Variants in ZNF385D observed in about 807,000 individuals in gnomAD.
The protein encoded by ZNF385D is zinc finger protein 659.
In ZNF385D, 15 loss-of-function variants were observed where a neutral mutation model predicts 35.8. The ratio of observed to expected loss-of-function variants is 0.42; its 90% CI spans 0.28 to 0.64. The LOEUF (loss-of-function observed/expected upper bound fraction) is 0.64. ZNF385D is among the 30% of genes least tolerant of loss of function. The pLI, the probability that ZNF385D is intolerant of heterozygous loss-of-function variation, is 0.23. For missense variants in ZNF385D, 474 were observed against 494.6 expected (o/e 0.96, Z 0.39); for synonymous variants, 212 against 186.8 (o/e 1.13, Z -1.10).
chr3:22,193,781 G>A (rs1447164751), intron 2 of ZNF385D, among the ~76,000 whole-genome samples: 1 of 151,674 alleles, frequency 6.6e-6, no homozygotes, highest in Non-Finnish European at 1.5e-5. Context: ...GAAATTCTAG[G>A]GTAAATACCC....
chr3:21,796,459 G>C (rs1334447547), intron 3 of ZNF385D, among the ~76,000 whole-genome samples: 3 of 152,110 alleles, frequency 2.0e-5, no homozygotes, highest in Non-Finnish European at 2.9e-5. Context: ...ATTTATCCTA[G>C]GTAGGCAAGG....
intron 3 of ZNF385D, among the ~76,000 whole-genome samples, chr3:22,005,920 C>G (rs920007267): frequency 1.3e-5 from 2 of 152,118 alleles, no homozygotes; most frequent in African/African-American, 4.8e-5. Context: ...CTGTCTTCAT[C>G]TCTAAGCACT....
At chr3:22,139,664 T>G (rs1704375361) in intron 3 of ZNF385D, among the ~76,000 whole-genome samples, 1 of 152,204 alleles carries the variant, frequency 6.6e-6, no homozygotes, top group African/African-American at 2.4e-5. Flanking sequence ...TACCTAATGT[T>G]AAATGACGAG....
intron 1 of ZNF385D, among the ~76,000 whole-genome samples, chr3:21,690,398 C>T (rs1420861964): frequency 1.3e-5 from 2 of 152,170 alleles, no homozygotes; most frequent in African/African-American, 2.4e-5. Flanking sequence ...TGCAGACCTA[C>T]AGTGCCACAC....
intron 3 of ZNF385D, among the ~76,000 whole-genome samples, chr3:22,016,935 G>GACAC (rs140018760): frequency 0.019 from 2,782 of 148,844 alleles, 68 homozygotes; most frequent in African/African-American, 0.057. Context: ...CCATCCATCG[G>GACAC]ACACACACAC....
At chr3:21,663,915 A>ATATATTTATTTATT in intron 2 of ZNF385D, among the ~76,000 whole-genome samples, 1 of 105,888 alleles carries the variant, frequency 9.4e-6, no homozygotes, top group Non-Finnish European at 1.9e-5. Flanking sequence ...ATATATATAT[A>ATATATTTATTTATT]TATTTATTTA....
intron 3 of ZNF385D, among the ~76,000 whole-genome samples, chr3:21,534,398 C>G (rs2061991150): frequency 6.6e-6 from 1 of 151,980 alleles, no homozygotes; most frequent in African/African-American, 2.4e-5. Context: ...AATATAATCG[C>G]CACCACACAC....
At chr3:22,140,730 C>T (rs1316170460) in intron 3 of ZNF385D, among the ~76,000 whole-genome samples, 1 of 152,148 alleles carries the variant, frequency 6.6e-6, no homozygotes, top group African/African-American at 2.4e-5. Context: ...AGCTAAAATG[C>T]ATTGGAAAAA....
chr3:21,473,042 C>T (rs563470347), intron 4 of ZNF385D, among the ~76,000 whole-genome samples: 73 of 152,228 alleles, frequency 4.8e-4, no homozygotes, highest in African/African-American at 1.6e-3. Context: ...CCTAAACTGA[C>T]GTAATCACCT....
intron 1 of ZNF385D, among the ~76,000 whole-genome samples, chr3:21,723,583 G>C (rs561709939): frequency 1.3e-5 from 2 of 152,216 alleles, no homozygotes; most frequent in South Asian, 2.1e-4. Flanking sequence ...ATGAAATAAA[G>C]AAGACAAGAT....
intron 2 of ZNF385D, among the ~76,000 whole-genome samples, chr3:22,276,799 G>GATGT (rs1701453320): frequency 6.6e-6 from 1 of 152,090 alleles, no homozygotes; most frequent in South Asian, 2.1e-4. Flanking sequence ...TCAGTGTGAG[G>GATGT]ATGTCTAGGG....
At chr3:21,697,424 G>A (rs897396754) in intron 1 of ZNF385D, among the ~76,000 whole-genome samples, 1 of 152,110 alleles carries the variant, frequency 6.6e-6, no homozygotes, top group Admixed American at 6.5e-5. Context: ...TGTCCTATTT[G>A]CCCATGCTGA....
Position 21,987,961 on chromosome 3 carries a change from T to G in ZNF385D, c.325+180856A>C, listed in dbSNP as rs1035376553. Among the ~76,000 whole-genome samples the G allele has an allele frequency of 2.6e-4, 38 of 147,528 alleles. 2 individuals carry two copies. The highest frequency in any genetic ancestry group is 2.1e-3 in the East Asian group (10 of 4,862). The stretch of plus-strand genomic sequence containing the variant: ...TACCCTTTCTTCCAGTTGATTGCAT[T>G]GGCTCCTGAAGCTTCTGCATTCTTC... On this transcript the variant is annotated intron_variant, in intron 3 of 5. Transcript: ENST00000494108.
At chr3:22,204,460 C>T (rs1177684092) in intron 2 of ZNF385D, among the ~76,000 whole-genome samples, 1 of 151,986 alleles carries the variant, frequency 6.6e-6, no homozygotes, top group Non-Finnish European at 1.5e-5. Flanking sequence ...AAGCAATGAA[C>T]ATCCACAAGC....
intron 3 of ZNF385D, among the ~76,000 whole-genome samples, chr3:21,554,148 C>G (rs1225707216): frequency 6.6e-6 from 1 of 152,102 alleles, no homozygotes; most frequent in East Asian, 1.9e-4. Flanking sequence ...GAATCACTAT[C>G]TATGGTAGCT....
At chr3:21,799,532 T>C (rs1481637197) in intron 3 of ZNF385D, among the ~76,000 whole-genome samples, 2 of 152,142 alleles carry the variant, frequency 1.3e-5, no homozygotes, top group African/African-American at 4.8e-5. Flanking sequence ...TTTCACGTGA[T>C]TTTTGACTTT....
At chr3:22,221,850 A>G (rs2125281158) in intron 2 of ZNF385D, among the ~76,000 whole-genome samples, 1 of 152,316 alleles carries the variant, frequency 6.6e-6, no homozygotes, top group South Asian at 2.1e-4. Flanking sequence ...AACCTCTAAC[A>G]TATCCATAAA....
chr3:21,714,962 A>G (rs1341935217), intron 1 of ZNF385D, among the ~76,000 whole-genome samples: 1 of 152,228 alleles, frequency 6.6e-6, no homozygotes, highest in East Asian at 1.9e-4. Flanking sequence ...GCCCTTGGCA[A>G]GAACAGCTAT....
At chr3:22,062,767 C>T (rs1003118470) in intron 3 of ZNF385D, among the ~76,000 whole-genome samples, 1 of 152,184 alleles carries the variant, frequency 6.6e-6, no homozygotes, top group African/African-American at 2.4e-5. Context: ...TTTCTCCTTG[C>T]TGTATCTCTG....
Sources: allele counts gnomAD v4.1 joint callset (sites outside exome capture counted in the v4.1 genomes callset), GRCh38; gene constraint gnomAD v4.1.1; transcripts MANE v1.5; gene names NCBI Gene and HGNC (gene_info 2026-07-23, HGNC 2026-07-21).